Variants in NAA50 observed in about 807,000 individuals in gnomAD.
NAA50 encodes N-alpha-acetyltransferase 50, NatE catalytic subunit, also known as N-alpha-acetyltransferase 50.
Under a neutral mutation model 20.7 loss-of-function variants are expected in NAA50, and 7 were observed. The observed-to-expected ratio is 0.34, with a 90% confidence interval of 0.19 to 0.63. NAA50 has a LOEUF of 0.63. Ranked by LOEUF, NAA50 falls within the 30% of genes least tolerant of loss-of-function variation. The pLI, the probability that NAA50 is intolerant of heterozygous loss-of-function variation, is 0.75. For missense variants in NAA50, 111 were observed against 199.1 expected, an observed-to-expected ratio of 0.56 and a Z score of 2.66; for synonymous variants, 54 against 70.6, an observed-to-expected ratio of 0.77 and a Z score of 1.18.
At chr3:113,736,163 G>C (rs974396073) in intron 1 of NAA50, among the ~76,000 whole-genome samples, 3 of 152,232 alleles carry the variant, frequency 2.0e-5, no homozygotes, top group African/African-American at 7.2e-5. Context: ...ATTGAAGACA[G>C]TTGTTATTAA....
At position 113,721,645 on chromosome 3, in the gene NAA50, A is replaced by G; in HGVS notation, c.*115T>C. Reference sequence around the variant, plus strand: ...GAAAAGGAAAGGAAGAAAGAAAAACAAGAACAAGGAGGGAGAAAAGCTTTA... The same window carrying G: ...GAAAAGGAAAGGAAGAAAGAAAAACGAGAACAAGGAGGGAGAAAAGCTTTA... On this transcript the variant is annotated 3_prime_UTR_variant, in exon 5 of 5. Transcript: ENST00000240922. The G allele has an allele frequency of 9.4e-7, 1 of 1,068,044 alleles. No individual in the cohort carries two copies. The allele number at this position is 1,068,044 out of a possible 1,614,324, so 66.2% of individuals were successfully genotyped here. A position where few individuals can be genotyped will look rare whatever the true frequency, so the allele number is the denominator to read the frequency against.
Position 113,717,187 on chromosome 3 carries a change from T to G in NAA50, c.*4573A>C, listed in dbSNP as rs1348926601. 1 of 152,062 alleles carries G rather than the reference T, an allele frequency of 6.6e-6. No homozygotes were observed. The highest frequency in any genetic ancestry group is 2.4e-5 in the African/African-American group (1 of 41,396). 9.4% of individuals were successfully genotyped at this position (152,062 alleles called of 1,614,324 possible). On this transcript the variant is annotated 3_prime_UTR_variant, in exon 5 of 5. Coordinates refer to ENST00000240922, the MANE Select transcript of NAA50 (RefSeq NM_025146.4). ...CCCATCTCTACTAAAATACAAAAAATTAGCCAGGCGTGGTGGCATGCGCTT... is the reference window on the plus strand; with the variant it reads ...CCCATCTCTACTAAAATACAAAAAAGTAGCCAGGCGTGGTGGCATGCGCTT...
rs533125399 is a variant in NAA50 at position 113,719,965 on chromosome 3, A to G, written c.*1795T>C. The G allele has an allele frequency of 6.5e-6, 1 of 152,766 alleles. No homozygotes were observed. The highest frequency in any genetic ancestry group is 1.5e-5 in the Non-Finnish European group (1 of 68,014). 9.5% of individuals were successfully genotyped at this position (152,766 alleles called of 1,614,324 possible). On this transcript the variant is annotated 3_prime_UTR_variant, in exon 5 of 5. Transcript: ENST00000240922. ...TCTTGCCAAGAGCAAGCTGAAGCTT[A>G]TTCATGAAGATAAAGGTGCTTAACG...
At position 113,746,172 on chromosome 3, in the gene NAA50, T is replaced by G. The variant is rs1247909226; in HGVS notation, c.-223A>C. 1.9e-6 allele frequency: 1 copy of G among 540,282 alleles called. No homozygotes were observed. Among genetic ancestry groups the G allele is most frequent in the Non-Finnish European group, 3.2e-6 (1 of 310,690 alleles). The allele number at this position is 540,282 out of a possible 1,614,324, so 33.5% of individuals were successfully genotyped here. ...GCCGCCGCGCTTGTGCCGCCGCTTC[T>G]CCACACGTGCACTCGGGTCTCTCGG... On this transcript the variant is annotated 5_prime_UTR_variant, in exon 1 of 5. Transcript: ENST00000240922.
intron 1 of NAA50, among the ~76,000 whole-genome samples, chr3:113,734,014 T>C (rs1325509423): frequency 1.3e-5 from 2 of 151,964 alleles, no homozygotes; most frequent in African/African-American, 2.4e-5. Context: ...TGAAATAAAA[T>C]GGGAATCGAT....
rs1409207455 is a variant in NAA50 at position 113,722,986 on chromosome 3, AAAT to A, written c.266-17_266-15del. 1.3e-6 allele frequency: 2 copies of A among 1,515,658 alleles called. No individual in the cohort carries two copies. Among genetic ancestry groups the A allele is most frequent in the South Asian group, 2.4e-5 (2 of 81,882 alleles). The allele number at this position is 1,515,658 out of a possible 1,614,324, so 93.9% of individuals were successfully genotyped here. A position where few individuals can be genotyped will look rare whatever the true frequency, so the allele number is the denominator to read the frequency against. On this transcript the variant is annotated splice_polypyrimidine_tract_variant and intron_variant, in intron 3 of 4. Transcript: ENST00000240922. The stretch of plus-strand genomic sequence containing the variant: ...ACATTTTAGTTCCTGTTAATAAAAT[AAAT>A]AACAAACACGTGACTTCATAAATCA...
At chr3:113,742,267 T>C (rs1314145936) in intron 1 of NAA50, among the ~76,000 whole-genome samples, 1 of 152,156 alleles carries the variant, frequency 6.6e-6, no homozygotes, top group East Asian at 1.9e-4. Context: ...AGTTTTGTTT[T>C]GTTTTGTTTT....
At chr3:113,733,412 C>A (rs1181427136) in intron 1 of NAA50, among the ~76,000 whole-genome samples, 1 of 151,724 alleles carries the variant, frequency 6.6e-6, no homozygotes, top group African/African-American at 2.4e-5. Context: ...AATTTGTGAA[C>A]CTTTCTGGAT....
chr3:113,735,475 T>A (rs866076517), intron 1 of NAA50, among the ~76,000 whole-genome samples: 4 of 152,236 alleles, frequency 2.6e-5, no homozygotes, highest in African/African-American at 9.6e-5. Flanking sequence ...AGGATGGGCA[T>A]AGAGAACGGG....
chr3:113,742,895 T>G (rs1708437297), intron 1 of NAA50, among the ~76,000 whole-genome samples: 1 of 152,230 alleles, frequency 6.6e-6, no homozygotes, highest in Non-Finnish European at 1.5e-5. Flanking sequence ...CACTGCCTAA[T>G]TACATTGCCA....
intron 1 of NAA50, among the ~76,000 whole-genome samples, chr3:113,737,974 G>C (rs916444541): frequency 6.6e-6 from 1 of 152,226 alleles, no homozygotes; most frequent in African/African-American, 2.4e-5. Context: ...GGAAGCCAAA[G>C]TGGGCAGATC....
Position 113,721,951 on chromosome 3 carries a change from G to A in NAA50, c.333-14C>T. 1 of 1,592,880 alleles carries A rather than the reference G, an allele frequency of 6.3e-7. No individual in the cohort carries two copies. The highest frequency in any genetic ancestry group is 8.5e-7 in the Non-Finnish European group (1 of 1,172,536). On this transcript the variant is annotated splice_polypyrimidine_tract_variant and intron_variant, in intron 4 of 4. Coordinates refer to ENST00000240922, the MANE Select transcript of NAA50 (RefSeq NM_025146.4). ...ATCTGGACATGCCTGAGATATAAGAGAGTATCAGAAAAAAAATTAAAATTA... is the reference window on the plus strand; with the variant it reads ...ATCTGGACATGCCTGAGATATAAGAAAGTATCAGAAAAAAAATTAAAATTA...
intron 1 of NAA50, among the ~76,000 whole-genome samples, chr3:113,743,492 GCTTAA>G (rs1559743507): frequency 1.3e-5 from 2 of 152,090 alleles, no homozygotes; most frequent in East Asian, 1.9e-4. Flanking sequence ...AACTCAAGGC[GCTTAA>G]CTTATTTTAA....
chr3:113,734,025 CCTA>C (rs1192888696), intron 1 of NAA50, among the ~76,000 whole-genome samples: 1 of 152,002 alleles, frequency 6.6e-6, no homozygotes, highest in Non-Finnish European at 1.5e-5. Flanking sequence ...GGGAATCGAT[CCTA>C]CTTACTGTAG....
intron 1 of NAA50, among the ~76,000 whole-genome samples, chr3:113,725,709 T>C (rs1708190632): frequency 6.6e-6 from 1 of 152,160 alleles, no homozygotes; most frequent in Non-Finnish European, 1.5e-5. Context: ...GAGGCTGCAG[T>C]AAGCTATGAT....
intron 4 of NAA50, 87 bp from the exon 5 acceptor site, chr3:113,722,024 T>C: frequency 8.2e-7 from 1 of 1,225,258 alleles, no homozygotes; most frequent in Non-Finnish European, 1.1e-6. Context: ...TCCAAACATC[T>C]GTTACATTCT....
intron 1 of NAA50, among the ~76,000 whole-genome samples, chr3:113,735,702 T>C (rs1170757825): frequency 6.6e-6 from 1 of 152,246 alleles, no homozygotes; most frequent in Non-Finnish European, 1.5e-5. Context: ...TGTTTGGTTT[T>C]TGAGACAGTC....
rs373235064 is a variant in NAA50, at chr3:113,746,017, T to C, written c.-68A>G. On this transcript the variant is annotated 5_prime_UTR_variant, in exon 1 of 5. Transcript: ENST00000240922. ...CCGTCGTAGTCGCCGCCCTTAGGTCTCCGCACCCTTAGCTCGGGCCACTCA... is the reference window on the plus strand; with the variant it reads ...CCGTCGTAGTCGCCGCCCTTAGGTCCCCGCACCCTTAGCTCGGGCCACTCA... 7.0e-5 allele frequency: 112 copies of C among 1,593,552 alleles called. No individual in the cohort carries two copies. The highest frequency in any genetic ancestry group is 5.3e-4 in the Admixed American group (31 of 58,692).
intron 1 of NAA50, among the ~76,000 whole-genome samples, chr3:113,728,250 G>A (rs1248141602): frequency 6.6e-6 from 1 of 152,116 alleles, no homozygotes; most frequent in East Asian, 1.9e-4. Flanking sequence ...AAAAAATTCT[G>A]TCAATCTAAA....
Sources: allele counts gnomAD v4.1 joint callset (sites outside exome capture counted in the v4.1 genomes callset), GRCh38; gene constraint gnomAD v4.1.1; transcripts MANE v1.5; gene names NCBI Gene and HGNC (gene_info 2026-07-23, HGNC 2026-07-21).